ARHGAP25: variants seen among roughly 807,000 people sequenced by gnomAD.
The protein encoded by ARHGAP25 is Rho GTPase activating protein 25.
In ARHGAP25, 34 loss-of-function variants were observed where a neutral mutation model predicts 71.0. The observed-to-expected ratio is 0.48, with a 90% CI of 0.36 to 0.64. The LOEUF (loss-of-function observed/expected upper bound fraction) is 0.64, where lower values mean the gene tolerates loss of function less well. ARHGAP25 is among the 30% of genes least tolerant of loss of function. The pLI is 0.00. For synonymous variants in ARHGAP25, 282 were observed against 296.5 expected, an observed-to-expected ratio of 0.95 and a Z score of 0.50; for missense variants, 706 against 805.1, an observed-to-expected ratio of 0.88 and a Z score of 1.49.
chr2:68,825,609 CA>C (rs1014416529), intron 10 of ARHGAP25, among the ~76,000 whole-genome samples: 6 of 149,824 alleles, frequency 4.0e-5, no homozygotes, highest in Non-Finnish European at 8.9e-5. Context: ...ACTAAAAATA[CA>C]AAAAAAAAGA....
intron 2 of ARHGAP25, among the ~76,000 whole-genome samples, chr2:68,719,629 A>G (rs187591308): frequency 4.6e-5 from 7 of 152,202 alleles, no homozygotes; most frequent in Non-Finnish European, 7.4e-5. Context: ...TATTCAGCCT[A>G]CCACAACTTT....
chr2:68,762,174 A>T (rs4416253), intron 1 of ARHGAP25, among the ~76,000 whole-genome samples: 3 of 152,146 alleles, frequency 2.0e-5, no homozygotes, highest in African/African-American at 7.2e-5. Context: ...TGAGGTGCTT[A>T]GAGGAGACAA....
chr2:68,825,046 G>A (rs755571500), intron 10 of ARHGAP25, among the ~76,000 whole-genome samples: 13 of 152,166 alleles, frequency 8.5e-5, no homozygotes, highest in Non-Finnish European at 1.8e-4. Context: ...CTGGCAGGGG[G>A]CCACCTGGCA....
In ARHGAP25 at chr2:68,735,194, A is replaced by T; in HGVS notation, c.-6A>T. Reference sequence around the variant, plus strand: ...TCACTAACTACTCACTTAAACTGGAAGCAAAATGTCCCTAAAATTGCCAAG... The same window carrying T: ...TCACTAACTACTCACTTAAACTGGATGCAAAATGTCCCTAAAATTGCCAAG... On this transcript the variant is annotated 5_prime_UTR_variant, in exon 1 of 11. In the 5' UTR this introduces an upstream ATG that the reference lacks. Transcript: ENST00000409202. The T allele has an allele frequency of 6.2e-7, 1 of 1,613,800 alleles. No homozygotes were observed. The highest frequency in any genetic ancestry group is 8.5e-7 in the Non-Finnish European group (1 of 1,179,634).
chr2:68,713,009 T>A (rs1286227372), intron 2 of ARHGAP25, among the ~76,000 whole-genome samples: 1 of 152,222 alleles, frequency 6.6e-6, no homozygotes, highest in Non-Finnish European at 1.5e-5. Flanking sequence ...TTTCATTCCA[T>A]ATGAAATTCA....
In ARHGAP25 at chr2:68,810,855, C is replaced by T. The variant is rs558545232; in HGVS notation, c.675-2432C>T. Among the ~76,000 whole-genome samples, 3 of 151,890 alleles carry T rather than the reference C, an allele frequency of 2.0e-5. No homozygotes were observed. The East Asian group carries it at 5.8e-4, about 29-fold the overall frequency. ...CTCCTGGATTCAAGTTATTCTCCTG[C>T]CTCAGCCTCCTGAGTAGCTGGGATT... On this transcript the variant is annotated intron_variant, in intron 5 of 10. Coordinates refer to ENST00000409202, the MANE Select transcript of ARHGAP25 (RefSeq NM_001007231.3).
At chr2:68,731,817 C>T (rs1009228175), upstream of ARHGAP25, among the ~76,000 whole-genome samples, 2 of 151,680 alleles carry the variant, frequency 1.3e-5, no homozygotes, top group South Asian at 2.1e-4. Context: ...CATATACACC[C>T]CCCCTAGCTC....
At chr2:68,771,413 A>G (rs1677481221) in intron 1 of ARHGAP25, among the ~76,000 whole-genome samples, 1 of 152,206 alleles carries the variant, frequency 6.6e-6, no homozygotes, top group Admixed American at 6.5e-5. Context: ...TATTTTCATT[A>G]TGAGAAACAG....
intron 2 of ARHGAP25, among the ~76,000 whole-genome samples, chr2:68,728,376 T>C (rs982041288): frequency 4.6e-5 from 7 of 152,216 alleles, no homozygotes; most frequent in African/African-American, 1.4e-4. Context: ...CCCTCATACA[T>C]TTCTGGTGGA....
At chr2:68,768,298 G>C (rs565216528) in intron 1 of ARHGAP25, among the ~76,000 whole-genome samples, 155 of 152,278 alleles carry the variant, frequency 1.0e-3, no homozygotes, top group African/African-American at 3.5e-3. Flanking sequence ...TGTTAGATCA[G>C]GGATTATATC....
chr2:68,807,941 T>G (rs1680497153), intron 5 of ARHGAP25, among the ~76,000 whole-genome samples: 1 of 152,166 alleles, frequency 6.6e-6, no homozygotes, highest in South Asian at 2.1e-4. Context: ...CAGGACTTCT[T>G]GTTAGTTTCC....
chr2:68,794,494 A>G (rs1053716948), intron 4 of ARHGAP25, among the ~76,000 whole-genome samples: 1 of 152,092 alleles, frequency 6.6e-6, no homozygotes, highest in East Asian at 1.9e-4. Context: ...GCTGAATTTT[A>G]TCATATGCTT....
intron 4 of ARHGAP25, among the ~76,000 whole-genome samples, chr2:68,789,327 C>G (rs574173060): frequency 1.3e-5 from 2 of 152,302 alleles, no homozygotes; most frequent in East Asian, 1.9e-4. Context: ...CGTGAGCCAC[C>G]GTGCCCGGCC....
intron 2 of ARHGAP25, among the ~76,000 whole-genome samples, chr2:68,716,075 C>T (rs1674602727): frequency 6.6e-6 from 1 of 152,218 alleles, no homozygotes; most frequent in Non-Finnish European, 1.5e-5. Context: ...GCTAATGTTA[C>T]TTCCTGAGTG....
chr2:68,748,076 T>A (rs1484979201), intron 1 of ARHGAP25, among the ~76,000 whole-genome samples: 1 of 152,334 alleles, frequency 6.6e-6, no homozygotes, highest in East Asian at 1.9e-4. Context: ...TTCAAACTCA[T>A]GATCTATGCC....
chr2:68,773,264 T>C (rs754728485), intron 1 of ARHGAP25, among the ~76,000 whole-genome samples: 1 of 152,218 alleles, frequency 6.6e-6, no homozygotes, highest in African/African-American at 2.4e-5. Context: ...TTTGAAAGTA[T>C]GCCATGATTA....
chr2:68,823,781 C>T (rs758707616), intron 10 of ARHGAP25, among the ~76,000 whole-genome samples: 7 of 152,168 alleles, frequency 4.6e-5, no homozygotes, highest in Admixed American at 2.0e-4. Flanking sequence ...CAAACAGAAG[C>T]GGGAGGCCAG....
At chr2:68,792,320 T>C (rs1424094013) in intron 4 of ARHGAP25, among the ~76,000 whole-genome samples, 2 of 152,210 alleles carry the variant, frequency 1.3e-5, no homozygotes, top group African/African-American at 4.8e-5. Context: ...GCATAGATTA[T>C]GTAGTAGTGG....
chr2:68,759,282 A>G (rs1453285818), intron 1 of ARHGAP25, among the ~76,000 whole-genome samples: 1 of 151,722 alleles, frequency 6.6e-6, no homozygotes, highest in African/African-American at 2.4e-5. Context: ...GAGAAAGTTA[A>G]CAAAACAAAA....
Sources: gnomAD v4.1 joint callset for allele counts (sites outside exome capture counted in the v4.1 genomes callset) on GRCh38, gnomAD v4.1.1 for gene constraint, MANE v1.5 for transcripts, NCBI Gene and HGNC (gene_info 2026-07-23, HGNC 2026-07-21) for gene names.